The following MSRA variants were observed in gnomAD, a reference collection of about 807,000 sequenced individuals.
MSRA encodes the protein methionine sulfoxide reductase A.
MSRA carries 54 observed loss-of-function variants against 31.3 expected under a neutral mutation model. The observed-to-expected ratio is 1.73, with a 90% CI of 1.39 to 2.17. The LOEUF (loss-of-function observed/expected upper bound fraction) is 2.17. Among genes scored for constraint, MSRA ranks in the 30% most tolerant of loss-of-function variants. The probability of loss-of-function intolerance (pLI) is 0.00; values close to 1 mark genes in which losing one functional copy is unlikely to be tolerated. For synonymous variants in MSRA, 169 were observed against 116.5 expected, an observed-to-expected ratio of 1.45 and a Z score of -2.90; for missense variants, 507 against 300.9, an observed-to-expected ratio of 1.69 and a Z score of -5.07.
intron 3 of MSRA, among the ~76,000 whole-genome samples, chr8:10,260,983 T>C (rs2129093518): frequency 6.6e-6 from 1 of 152,316 alleles, no homozygotes; most frequent in South Asian, 2.1e-4. Context: ...ATAACTTTCA[T>C]GGAAATAGTT....
chr8:10,271,852 G>C (rs1261566058), intron 3 of MSRA, among the ~76,000 whole-genome samples: 2 of 151,860 alleles, frequency 1.3e-5, no homozygotes, highest in Admixed American at 1.3e-4. Context: ...TCAAGTAGCT[G>C]GGATTATAGG....
Position 10,361,056 on chromosome 8 carries a change from C to T in MSRA, c.543+41067C>T, listed in dbSNP as rs140778746. Among the ~76,000 whole-genome samples the T allele has an allele frequency of 9.5e-4, 144 of 152,346 alleles. 2 individuals are homozygous for T. The highest frequency in any genetic ancestry group is 1.5e-3 in the Non-Finnish European group (99 of 68,028). On this transcript the variant is annotated intron_variant, in intron 5 of 5. Coordinates refer to ENST00000317173, the MANE Select transcript of MSRA (RefSeq NM_012331.5). ...CACCTTGGCTGATAGAGTTGGACAACTCCTTGGTGGCCCGTTTCCATGCCC... is the reference window on the plus strand; with the variant it reads ...CACCTTGGCTGATAGAGTTGGACAATTCCTTGGTGGCCCGTTTCCATGCCC...
chr8:10,083,064 G>A (rs755911150), intron 1 of MSRA, among the ~76,000 whole-genome samples: 2 of 152,208 alleles, frequency 1.3e-5, no homozygotes, highest in East Asian at 1.9e-4. Context: ...TTGGAAGCAC[G>A]TAACCATACT....
chr8:10,168,883 T>C (rs566271908), intron 1 of MSRA, among the ~76,000 whole-genome samples: 33 of 152,250 alleles, frequency 2.2e-4, no homozygotes, highest in Non-Finnish European at 1.5e-5. Context: ...ACACCTGATA[T>C]ATTGTTTCCA....
intron 3 of MSRA, among the ~76,000 whole-genome samples, chr8:10,264,675 G>C (rs1167888314): frequency 6.6e-6 from 1 of 152,168 alleles, no homozygotes; most frequent in Non-Finnish European, 1.5e-5. Flanking sequence ...GGAAGGAAAA[G>C]AGCAAATGGC....
intron 1 of MSRA, among the ~76,000 whole-genome samples, chr8:10,107,007 T>G (rs994282627): frequency 4.6e-5 from 7 of 152,142 alleles, no homozygotes; most frequent in African/African-American, 1.7e-4. Context: ...CATTATTCAT[T>G]TAGTCTCTGA....
intron 1 of MSRA, among the ~76,000 whole-genome samples, chr8:10,182,366 A>G (rs1213415006): frequency 2.0e-5 from 3 of 152,190 alleles, no homozygotes; most frequent in Non-Finnish European, 4.4e-5. Context: ...TTAAAACAAC[A>G]CACATCTATT....
intron 5 of MSRA, among the ~76,000 whole-genome samples, chr8:10,348,357 CTTTTTT>C (rs34083972): frequency 6.2e-5 from 4 of 64,274 alleles, no homozygotes; most frequent in African/African-American, 2.0e-4. Flanking sequence ...AAATTATTGC[CTTTTTT>C]TTTTTTTTTT....
chr8:10,259,032 G>A (rs543648414), intron 3 of MSRA, among the ~76,000 whole-genome samples: 49 of 152,106 alleles, frequency 3.2e-4, no homozygotes, highest in African/African-American at 1.0e-3. Context: ...ACTTGAACCT[G>A]GAAGGTGGAG....
chr8:10,271,736 G>C (rs1256785134), intron 3 of MSRA, among the ~76,000 whole-genome samples: 2 of 124,112 alleles, frequency 1.6e-5, no homozygotes, highest in South Asian at 2.7e-4. Context: ...TTTTTTTTTG[G>C]AGATGGACTT....
At chr8:10,261,135 A>G (rs983460623) in intron 3 of MSRA, among the ~76,000 whole-genome samples, 1 of 152,198 alleles carries the variant, frequency 6.6e-6, no homozygotes, top group Non-Finnish European at 1.5e-5. Context: ...GTACCCAAAA[A>G]AAAACTATAG....
At chr8:10,226,549 T>C (rs1432177682) in intron 2 of MSRA, among the ~76,000 whole-genome samples, 7 of 152,166 alleles carry the variant, frequency 4.6e-5, no homozygotes, top group Non-Finnish European at 2.9e-5. Context: ...TGGAATTCCA[T>C]AGATCTCCTA....
intron 1 of MSRA, among the ~76,000 whole-genome samples, chr8:10,168,378 C>A (rs1422771034): frequency 6.6e-6 from 1 of 152,162 alleles, no homozygotes; most frequent in Non-Finnish European, 1.5e-5. Context: ...GCTATCATCC[C>A]TGGCCAACTC....
intron 1 of MSRA, among the ~76,000 whole-genome samples, chr8:10,056,129 G>C (rs995434665): frequency 7.1e-6 from 1 of 141,304 alleles, no homozygotes; most frequent in African/African-American, 2.7e-5. Context: ...TCAAATGCCA[G>C]ACTTCCTCAG....
At chr8:10,086,879 A>G (rs1288954365) in intron 1 of MSRA, among the ~76,000 whole-genome samples, 1 of 150,598 alleles carries the variant, frequency 6.6e-6, no homozygotes, top group Non-Finnish European at 1.5e-5. Flanking sequence ...AGGGAGAGGG[A>G]GAGAGAGAGG....
intron 4 of MSRA, among the ~76,000 whole-genome samples, chr8:10,316,290 G>A (rs923998819): frequency 2.6e-5 from 4 of 151,774 alleles, no homozygotes; most frequent in Non-Finnish European, 4.4e-5. Context: ...TTAAGATCAT[G>A]GACTTTGGAG....
In MSRA at chr8:10,293,656, C is replaced by T. The variant is rs1457028459; in HGVS notation, c.332-7878C>T. ...CGACGTGTCTCTGGTTCCCCAACCT[C>T]TTCCTCAGCTGTACTGCAGGTCTCC... On this transcript the variant is annotated intron_variant, in intron 3 of 5. Transcript: ENST00000317173. Among the ~76,000 whole-genome samples, 5 of 152,352 alleles carry T rather than the reference C, an allele frequency of 3.3e-5. No homozygotes were observed. In the South Asian group the frequency reaches 8.3e-4, roughly 25 times the overall value.
At chr8:10,174,445 C>G (rs945494107) in intron 1 of MSRA, among the ~76,000 whole-genome samples, 1 of 152,128 alleles carries the variant, frequency 6.6e-6, no homozygotes, top group African/African-American at 2.4e-5. Context: ...TCCCACAACC[C>G]TTCTGTCTTG....
intron 1 of MSRA, among the ~76,000 whole-genome samples, chr8:10,143,488 C>G (rs562639544): frequency 1.4e-4 from 21 of 152,278 alleles, no homozygotes; most frequent in Non-Finnish European, 2.8e-4. Context: ...TCGTTATTCC[C>G]CTTTCATCAC....
Sources: allele counts gnomAD v4.1 joint callset (sites outside exome capture counted in the v4.1 genomes callset), GRCh38; gene constraint gnomAD v4.1.1; transcripts MANE v1.5; gene names NCBI Gene and HGNC (gene_info 2026-07-23, HGNC 2026-07-21).